DYNC2H1: variants seen among roughly 807,000 people sequenced by gnomAD.
The protein encoded by DYNC2H1 is dynein cytoplasmic 2 heavy chain 1, also known as cytoplasmic dynein 2 heavy chain 1.
DYNC2H1 carries 410 observed loss-of-function variants against 570.0 expected under a neutral mutation model. The ratio of observed to expected loss-of-function variants is 0.72; its 90% confidence interval spans 0.66 to 0.78. The LOEUF (loss-of-function observed/expected upper bound fraction) is 0.78. Among genes scored for constraint, DYNC2H1 ranks in the 30% least tolerant of loss-of-function variants. DYNC2H1 has a pLI of 0.00. For synonymous variants in DYNC2H1, 1,688 were observed against 1,677.6 expected, an observed-to-expected ratio of 1.01 and a Z score of -0.15; for missense variants, 4,865 against 5,046.4, an observed-to-expected ratio of 0.96 and a Z score of 1.09.
intron 11 of DYNC2H1, among the ~76,000 whole-genome samples, chr11:103,124,377 T>G (rs1467840112): frequency 7.1e-6 from 1 of 141,632 alleles, no homozygotes; most frequent in Non-Finnish European, 1.5e-5. Context: ...CTCAGGGAGG[T>G]CAAGGCTGTA....
intron 63 of DYNC2H1, 113 bp downstream of exon 63, chr11:103,236,652 T>G: frequency 1.8e-6 from 1 of 541,728 alleles, no homozygotes; most frequent in Non-Finnish European, 3.2e-6. Context: ...CTTACTAAAA[T>G]AAAAATATTT....
At chr11:103,301,409 A>G (rs139218338) in intron 75 of DYNC2H1, among the ~76,000 whole-genome samples, 3 of 152,054 alleles carry the variant, frequency 2.0e-5, no homozygotes, top group African/African-American at 7.2e-5. Flanking sequence ...CAGACAATAT[A>G]TTTAATTGGC....
intron 85 of DYNC2H1, among the ~76,000 whole-genome samples, chr11:103,447,263 T>A (rs992756338): frequency 6.6e-6 from 1 of 152,158 alleles, no homozygotes; most frequent in African/African-American, 2.4e-5. Context: ...AGTACTCTAA[T>A]AGGTGGCTAT....
chr11:103,248,874 C>T (rs1328699841), intron 65 of DYNC2H1, among the ~76,000 whole-genome samples: 2 of 151,878 alleles, frequency 1.3e-5, no homozygotes, highest in African/African-American at 4.8e-5. Flanking sequence ...CCGTTGTACA[C>T]GTTGACTGAA....
intron 70 of DYNC2H1, among the ~76,000 whole-genome samples, chr11:103,265,563 A>T (rs1306774914): frequency 6.6e-6 from 1 of 152,116 alleles, no homozygotes; most frequent in South Asian, 2.1e-4. Context: ...TTGTTTTATC[A>T]TGATTTTTAG....
chr11:103,110,103 A>C (rs1218716238), intron 1 of DYNC2H1, among the ~76,000 whole-genome samples: 1 of 152,108 alleles, frequency 6.6e-6, no homozygotes, highest in African/African-American at 2.4e-5. Context: ...ATCTCTGCTC[A>C]CTGCGTCCTC....
chr11:103,180,206 AAATAG>A (rs1247729961), intron 39 of DYNC2H1, among the ~76,000 whole-genome samples: 3 of 151,696 alleles, frequency 2.0e-5, no homozygotes, highest in African/African-American at 7.2e-5. Flanking sequence ...CTTGTGAGAA[AAATAG>A]AATAAAGGTA....
At chr11:103,475,465 A>T (rs1945521422) in intron 88 of DYNC2H1, among the ~76,000 whole-genome samples, 2 of 152,194 alleles carry the variant, frequency 1.3e-5, no homozygotes, top group African/African-American at 4.8e-5. Context: ...AAGAACTTCT[A>T]TATACACAAA....
At chr11:103,192,359 A>G in intron 47 of DYNC2H1, 95 bp downstream of exon 47, 1 of 874,842 alleles carries the variant, frequency 1.1e-6, no homozygotes, top group Non-Finnish European at 1.6e-6. Flanking sequence ...CTAAACAAAT[A>G]AAAACTTTGA....
In DYNC2H1 at chr11:103,299,341, G is replaced by C. The variant is rs74525192; in HGVS notation, c.11096-3752G>C. On this transcript the variant is annotated intron_variant, in intron 75 of 88. Transcript: ENST00000375735. The surrounding 1 kb of genome is among the most constrained non-coding windows in gnomAD (Gnocchi z 4.5). The stretch of plus-strand genomic sequence containing the variant: ...GTGCATTCATTTTCTGTTGCTGCTA[G>C]AAATTTATCAGGTTTAAACAATGCC... 3.2e-3 allele frequency among the ~76,000 whole-genome samples: 487 copies of C among 152,230 alleles called. 4 individuals are homozygous for C. Among genetic ancestry groups the C allele is most frequent in the African/African-American group, 0.011 (465 of 41,550 alleles).
rs143087070 is a variant in DYNC2H1, at chr11:103,464,218, A to G, written c.12649-4371A>G. 3.9e-5 allele frequency among the ~76,000 whole-genome samples: 6 copies of G among 152,336 alleles called. No individual in the cohort carries two copies. The East Asian group carries it at 1.2e-3, about 29-fold the overall frequency. On this transcript the variant is annotated intron_variant, in intron 87 of 88. Coordinates refer to ENST00000375735, the MANE Select transcript of DYNC2H1 (RefSeq NM_001377.3). ...AGTACAAAATAACAAGAACTTCTGG[A>G]GAGAAACAGGGAAAGATAATACAGT...
intron 88 of DYNC2H1, among the ~76,000 whole-genome samples, chr11:103,476,577 T>C (rs1053950452): frequency 2.6e-5 from 4 of 152,254 alleles, no homozygotes; most frequent in Non-Finnish European, 5.9e-5. Context: ...TTAGGACAGA[T>C]GGTGTTTTTA....
At chr11:103,130,660 A>G (rs1278282399) in intron 13 of DYNC2H1, among the ~76,000 whole-genome samples, 2 of 152,070 alleles carry the variant, frequency 1.3e-5, no homozygotes, top group African/African-American at 4.8e-5. Context: ...AAATGTATGC[A>G]TAGTTTTGGA....
At chr11:103,396,228 AATCCCCATAACAC>A in intron 83 of DYNC2H1, among the ~76,000 whole-genome samples, 1 of 152,234 alleles carries the variant, frequency 6.6e-6, no homozygotes, top group Non-Finnish European at 1.5e-5. Flanking sequence ...ACTCTATATC[AATCCCCATAACAC>A]CTTGTACAAG....
chr11:103,155,442 C>G lies in DYNC2H1; in HGVS notation c.3685C>G (p.Leu1229Val), dbSNP rs1860772300. Reference sequence around the variant, plus strand: ...TAGGGGGACTAGTCTAGAGAAACTACTGTTTGGTGATTTGCTCAGAGTAGC... The same window carrying G: ...TAGGGGGACTAGTCTAGAGAAACTAGTGTTTGGTGATTTGCTCAGAGTAGC... ...LPRGTSLEKL[L>V]FGDLLRVADT... Residue 1229 changes from leucine to valine, a missense_variant, in exon 25 of 89, where the codon CTG becomes GTG. Physicochemically the swap from Leu to Val is conservative, Grantham distance 32. This residue lies in a region of DYNC2H1 where 1,936 missense variants were observed against 1,962.1 expected (regional missense o/e 0.99). Transcript: ENST00000375735. 8.7e-6 allele frequency: 14 copies of G among 1,612,350 alleles called. No homozygotes were observed. Among genetic ancestry groups the G allele is most frequent in the Non-Finnish European group, 1.2e-5 (14 of 1,179,086 alleles).
chr11:103,339,256 A>C (rs313426), intron 82 of DYNC2H1, among the ~76,000 whole-genome samples: 19 of 151,882 alleles, frequency 1.3e-4, no homozygotes, highest in Admixed American at 2.6e-4. Context: ...AGTTGACTGC[A>C]TTAGAACACC....
chr11:103,194,337 G>A lies in DYNC2H1; in HGVS notation c.7708+2073G>A, dbSNP rs918084030. Among the ~76,000 whole-genome samples the A allele has an allele frequency of 1.8e-4, 28 of 151,938 alleles. 1 individual carries two copies. The highest frequency in any genetic ancestry group is 6.0e-4 in the African/African-American group (25 of 41,366). ...TTATCTACTGAAAGACATCTGGGTT[G>A]TTTTCAGTTTTTGGCTGTTAGGAAT... On this transcript the variant is annotated intron_variant, in intron 47 of 88. Coordinates refer to ENST00000375735, the MANE Select transcript of DYNC2H1 (RefSeq NM_001377.3).
chr11:103,289,093 C>A lies in DYNC2H1; in HGVS notation c.11095+1488C>A, dbSNP rs1018951947. Among the ~76,000 whole-genome samples, 32 of 152,006 alleles carry A rather than the reference C, an allele frequency of 2.1e-4. 1 individual carries two copies. The highest frequency in any genetic ancestry group is 7.5e-4 in the African/African-American group (31 of 41,364). On this transcript the variant is annotated intron_variant, in intron 75 of 88. Transcript: ENST00000375735. This position sits in a 1 kb window ranked among gnomAD's most constrained non-coding sequence, Gnocchi z 4.2. ...GGCTCAACCAATTCTGTGATCCCAC[C>A]CAGGAATAGAAGACAGCAAGAAAAC...
intron 54 of DYNC2H1, among the ~76,000 whole-genome samples, chr11:103,213,221 C>G (rs1178936054): frequency 6.6e-6 from 1 of 152,022 alleles, no homozygotes; most frequent in Non-Finnish European, 1.5e-5. Flanking sequence ...GAGAAAGTCT[C>G]TTACAAGAAA....
Sources: gnomAD v4.1 joint callset for allele counts (sites outside exome capture counted in the v4.1 genomes callset) on GRCh38, gnomAD v4.1.1 for gene constraint, gnomAD v4.1.1 regional missense constraint, Gnocchi (gnomAD v3.1) non-coding constraint, MANE v1.5 for transcripts, NCBI Gene and HGNC (gene_info 2026-07-23, HGNC 2026-07-21) for gene names.